Variants in MYCBP2 observed in about 807,000 individuals in gnomAD.
The protein encoded by MYCBP2 is E3 ubiquitin-protein ligase MYCBP2.
A neutral mutation model predicts 525.3 loss-of-function variants in MYCBP2; 120 were observed. The observed-to-expected ratio is 0.23, with a 90% CI of 0.20 to 0.27. MYCBP2 has a LOEUF of 0.27. Among genes scored for constraint, MYCBP2 ranks in the 10% least tolerant of loss-of-function variants. MYCBP2 has a pLI of 1.00. For synonymous variants in MYCBP2, 1,894 were observed against 1,955.8 expected, an observed-to-expected ratio of 0.97 and a Z score of 0.83; for missense variants, 4,149 against 5,657.1, an observed-to-expected ratio of 0.73 and a Z score of 8.55.
chr13:77,048,923 G>A (rs2036164436), intron 82 of MYCBP2, among the ~76,000 whole-genome samples: 1 of 152,148 alleles, frequency 6.6e-6, no homozygotes, highest in South Asian at 2.1e-4. Flanking sequence ...TTAACATAGA[G>A]GAAACTTTAA....
In MYCBP2 at chr13:77,294,131, C is replaced by CATATATATATATATATATATACACAT; in HGVS notation, c.378+2467_378+2468insATGTGTATATATATATATATATATAT. On this transcript the variant is annotated intron_variant, in intron 2 of 82. Coordinates refer to ENST00000544440, the MANE Select transcript of MYCBP2 (RefSeq NM_015057.5). ...ATATATATATATATATATATATATA[C>CATATATATATATATATATATACACAT]ATATATATATACATATATATAAAAT... Among the ~76,000 whole-genome samples the CATATATATATATATATATATACACAT allele has an allele frequency of 2.5e-3, 165 of 65,706 alleles. 5 individuals carry two copies. Among genetic ancestry groups the CATATATATATATATATATATACACAT allele is most frequent in the Non-Finnish European group, 4.0e-3 (135 of 33,398 alleles). 43.1% of individuals were successfully genotyped at this position (65,706 alleles called of 152,430 possible). A position where few individuals can be genotyped will look rare whatever the true frequency, so the allele number is the denominator to read the frequency against.
At chr13:77,307,625 CAAAAA>C (rs763388200) in intron 1 of MYCBP2, among the ~76,000 whole-genome samples, 1 of 30,120 alleles carries the variant, frequency 3.3e-5, no homozygotes, top group Non-Finnish European at 6.5e-5. Flanking sequence ...GACCCTGTCT[CAAAAA>C]AAAAAAAAAA....
chr13:77,307,239 C>T (rs1374561841), intron 1 of MYCBP2, among the ~76,000 whole-genome samples: 1 of 152,138 alleles, frequency 6.6e-6, no homozygotes, highest in African/African-American at 2.4e-5. Context: ...TACACCAGAT[C>T]CCATTTCATT....
At chr13:77,200,330 G>A (rs918696973) in intron 26 of MYCBP2, among the ~76,000 whole-genome samples, 5 of 152,070 alleles carry the variant, frequency 3.3e-5, no homozygotes, top group Non-Finnish European at 7.4e-5. Flanking sequence ...AGCGAGAAGG[G>A]AAGTTTAGAG....
intron 1 of MYCBP2, among the ~76,000 whole-genome samples, chr13:77,302,435 C>T (rs537440449): frequency 1.1e-4 from 16 of 151,538 alleles, no homozygotes; most frequent in African/African-American, 3.9e-4. Context: ...GGGAAAGTAA[C>T]CTGGAATCAT....
intron 49 of MYCBP2, among the ~76,000 whole-genome samples, chr13:77,141,268 A>G (rs1306382011): frequency 6.6e-6 from 1 of 152,194 alleles, no homozygotes; most frequent in African/African-American, 2.4e-5. Context: ...ACAATATCCA[A>G]TCAGAATACC....
At chr13:77,223,166 C>T (rs2154294024) in intron 20 of MYCBP2, among the ~76,000 whole-genome samples, 1 of 152,300 alleles carries the variant, frequency 6.6e-6, no homozygotes, top group East Asian at 1.9e-4. Flanking sequence ...GGTGCTGTCC[C>T]TTTGGATGCA....
intron 17 of MYCBP2, among the ~76,000 whole-genome samples, chr13:77,239,287 A>T (rs2068453102): frequency 6.6e-6 from 1 of 152,244 alleles, no homozygotes; most frequent in African/African-American, 2.4e-5. Flanking sequence ...AAGTATAATT[A>T]TTAACATACT....
chr13:77,148,475 A>G (rs997828906), intron 47 of MYCBP2, among the ~76,000 whole-genome samples: 20 of 151,988 alleles, frequency 1.3e-4, no homozygotes, highest in African/African-American at 4.6e-4. Flanking sequence ...CTATTCTTAT[A>G]TCTACTTTGA....
intron 62 of MYCBP2, among the ~76,000 whole-genome samples, chr13:77,086,551 TCTC>T (rs1456880551): frequency 2.6e-5 from 4 of 152,118 alleles, no homozygotes; most frequent in South Asian, 2.1e-4. Context: ...CATTCTGTCT[TCTC>T]CTTCTGAAAC....
chr13:77,097,263 C>G, intron 56 of MYCBP2, 107 bp downstream of exon 56: 1 of 1,425,730 alleles, frequency 7.0e-7, no homozygotes, highest in Non-Finnish European at 9.4e-7. Flanking sequence ...TTCTAAGATA[C>G]TATAAATTCC....
At chr13:77,222,690 T>A (rs2065762381) in intron 20 of MYCBP2, among the ~76,000 whole-genome samples, 2 of 152,110 alleles carry the variant, frequency 1.3e-5, no homozygotes, top group Admixed American at 1.3e-4. Context: ...AAATGCTGGA[T>A]GTAGAATCCA....
intron 15 of MYCBP2, among the ~76,000 whole-genome samples, chr13:77,245,123 G>A (rs2069624497): frequency 6.6e-6 from 1 of 152,202 alleles, no homozygotes; most frequent in Non-Finnish European, 1.5e-5. Flanking sequence ...TGGAGAGGAT[G>A]TGGAGAAATA....
Position 77,251,194 on chromosome 13 carries a change from C to T in MYCBP2, c.2338G>A (p.Ala780Thr), listed in dbSNP as rs375483472. ...GGCCGTCCACTACTGACACAGCTGG[C>T]TCCATAACCTGTACAGTCTCCACAG... ...TVCGDCTGYG[A>T]SCVSSGRPDR... The change falls in exon 15 of 83, where the codon GCC (alanine) becomes ACC (threonine). Residue 780 changes from alanine to threonine, a missense_variant. Physicochemically the swap from Ala to Thr is moderately conservative, Grantham distance 58. Around this residue, in one of 21 missense-constraint regions of MYCBP2, gnomAD observed 620 missense variants for 795.5 expected, o/e 0.78. Transcript: ENST00000544440. 2.5e-6 allele frequency: 4 copies of T among 1,614,180 alleles called. No individual in the cohort carries two copies. The highest frequency in any genetic ancestry group is 2.2e-5 in the South Asian group (2 of 91,086).
rs1293990292 is a variant in MYCBP2 at position 77,181,807 on chromosome 13, C to A, written c.4835G>T (p.Gly1612Val). The A allele has an allele frequency of 1.2e-6, 2 of 1,614,078 alleles. No individual in the cohort carries two copies. Among genetic ancestry groups the A allele is most frequent in the Non-Finnish European group, 1.7e-6 (2 of 1,179,990 alleles). ...LTSIFPIAYDGEVLLRSIVKQ... is the reference protein window; with the variant it reads ...LTSIFPIAYDVEVLLRSIVKQ... ...AACAATTGATCGTAGTAATACTTCT[C>A]CATCATACGCAATCGGGAAGATGGA... The change falls in exon 33 of 83, where the codon GGA becomes GTA. Residue 1612 changes from glycine (G) to valine (V), a missense_variant. Coordinates refer to ENST00000544440, the MANE Select transcript of MYCBP2 (RefSeq NM_015057.5).
At chr13:77,181,528 T>C (rs777721350) in intron 33 of MYCBP2, among the ~76,000 whole-genome samples, 173 bp downstream of exon 33, 4 of 152,266 alleles carry the variant, frequency 2.6e-5, no homozygotes, top group Non-Finnish European at 2.9e-5. Flanking sequence ...TTCAAAAATA[T>C]TTAAAATAAT....
chr13:77,156,544 A>C (rs2057237214), intron 45 of MYCBP2, among the ~76,000 whole-genome samples: 1 of 152,224 alleles, frequency 6.6e-6, no homozygotes. Context: ...GAGCAGGCTC[A>C]TTCTCTCTGA....
At position 77,176,616 on chromosome 13, in the gene MYCBP2, C is replaced by T. The variant is rs1175752580; in HGVS notation, c.5353G>A (p.Gly1785Arg). The T allele has an allele frequency of 6.5e-7, 1 of 1,543,620 alleles. No individual in the cohort carries two copies. The highest frequency in any genetic ancestry group is 8.8e-7 in the Non-Finnish European group (1 of 1,140,562). ...EVLVDDSEHAGDSTHSHRWTS... is the reference protein window; with the variant it reads ...EVLVDDSEHARDSTHSHRWTS... The stretch of plus-strand genomic sequence containing the variant: ...CATCTGTGGGAATGAGTTGAATCTC[C>T]TGCATGTTCACTCTAAAAAAAAAAA... Residue 1785 changes from glycine (G) to arginine (R), a missense_variant, in exon 36 of 83, where the codon GGA (glycine) becomes AGA (arginine). Gly to Arg is a moderately radical substitution (Grantham distance 125). This residue lies in a region of MYCBP2 where 109 missense variants were observed against 118.9 expected (regional missense o/e 0.92). Coordinates refer to ENST00000544440, the MANE Select transcript of MYCBP2 (RefSeq NM_015057.5).
At chr13:77,122,137 A>T (rs2050819642) in intron 54 of MYCBP2, among the ~76,000 whole-genome samples, 1 of 152,062 alleles carries the variant, frequency 6.6e-6, no homozygotes, top group South Asian at 2.1e-4. Flanking sequence ...ACAAATGGCA[A>T]GATGTGACCT....
Sources: allele counts gnomAD v4.1 joint callset (sites outside exome capture counted in the v4.1 genomes callset), GRCh38; gene constraint gnomAD v4.1.1; regional missense constraint gnomAD v4.1.1; transcripts MANE v1.5; gene names NCBI Gene and HGNC (gene_info 2026-07-23, HGNC 2026-07-21).